GPR158: variants seen among roughly 807,000 people sequenced by gnomAD.
GPR158 encodes the protein G protein-coupled receptor 158.
In GPR158, 30 loss-of-function variants were observed where a neutral mutation model predicts 78.2. The ratio of observed to expected loss-of-function variants is 0.38; its 90% CI spans 0.29 to 0.52. The LOEUF is 0.52. GPR158 is among the 20% of genes least tolerant of loss of function. The probability of loss-of-function intolerance (pLI) is 0.83; values close to 1 mark genes in which losing one functional copy is unlikely to be tolerated. For missense variants in GPR158, 1,463 were observed against 1,523.5 expected, an observed-to-expected ratio of 0.96 and a Z score of 0.66; for synonymous variants, 581 against 591.1, an observed-to-expected ratio of 0.98 and a Z score of 0.25.
chr10:25,353,750 T>C (rs1052643612), intron 2 of GPR158, among the ~76,000 whole-genome samples: 4 of 152,116 alleles, frequency 2.6e-5, no homozygotes, highest in African/African-American at 9.6e-5. Context: ...TATGTGTCTT[T>C]ATAGAATTGG....
intron 2 of GPR158, among the ~76,000 whole-genome samples, chr10:25,241,473 C>G (rs576774752): frequency 2.0e-5 from 3 of 149,250 alleles, no homozygotes; most frequent in Non-Finnish European, 4.4e-5. Flanking sequence ...CAGGCTGGAG[C>G]ACAGTGGTGT....
chr10:25,587,992 C>G (rs555048341), intron 7 of GPR158, among the ~76,000 whole-genome samples: 34 of 152,228 alleles, frequency 2.2e-4, no homozygotes, highest in Admixed American at 1.2e-3. Context: ...TAGACACTAT[C>G]TTCCAGAAAG....
At chr10:25,471,674 T>C (rs1835505613) in intron 5 of GPR158, among the ~76,000 whole-genome samples, 1 of 152,196 alleles carries the variant, frequency 6.6e-6, no homozygotes, top group African/African-American at 2.4e-5. Flanking sequence ...TGAGATGGTA[T>C]CTCATTGTGG....
intron 2 of GPR158, among the ~76,000 whole-genome samples, chr10:25,238,192 A>G (rs1662083002): frequency 6.6e-6 from 1 of 152,210 alleles, no homozygotes; most frequent in African/African-American, 2.4e-5. Flanking sequence ...TCCACTTCAC[A>G]GGCAGGCTTT....
chr10:25,451,156 T>C (rs1835211335), intron 4 of GPR158, among the ~76,000 whole-genome samples: 1 of 152,216 alleles, frequency 6.6e-6, no homozygotes, highest in Admixed American at 6.5e-5. Context: ...ACACAAATCA[T>C]GCTTAAATAG....
At chr10:25,297,332 T>G (rs1203396941) in intron 2 of GPR158, among the ~76,000 whole-genome samples, 1 of 152,204 alleles carries the variant, frequency 6.6e-6, no homozygotes, top group Non-Finnish European at 1.5e-5. Flanking sequence ...ATGACATCAG[T>G]CATACAAGGT....
Position 25,598,467 on chromosome 10 carries a change from T to G in GPR158, c.2841T>G (p.Asn947Lys). The G allele has an allele frequency of 6.2e-7, 1 of 1,614,042 alleles. No individual in the cohort carries two copies. The highest frequency in any genetic ancestry group is 8.5e-7 in the Non-Finnish European group (1 of 1,180,012). ...KDKETNRNHS[N>K]SDNTETKDPA... is the part of the protein sequence containing the mutation. ...AAGAGACAAACAGAAATCACTCAAA[T>G]TCTGATAACACAGAGACTAAAGATC... is the stretch of plus-strand genomic sequence containing the variant. Residue 947 changes from asparagine to lysine, a missense_variant, in exon 11 of 11, where the codon AAT becomes AAG. Physicochemically the swap from Asn to Lys is moderately conservative, Grantham distance 94 (BLOSUM62 0). Transcript: ENST00000376351.
chr10:25,370,655 G>A (rs1440109900), intron 2 of GPR158, among the ~76,000 whole-genome samples: 2 of 149,940 alleles, frequency 1.3e-5, no homozygotes, highest in South Asian at 2.2e-4. Context: ...TTGATTTGGG[G>A]TGGAGAGTTC....
intron 2 of GPR158, among the ~76,000 whole-genome samples, chr10:25,230,263 A>G (rs1853430426): frequency 6.6e-6 from 1 of 152,220 alleles, no homozygotes; most frequent in Non-Finnish European, 1.5e-5. Flanking sequence ...GTTTGATCAC[A>G]TGTGAATGAT....
intron 2 of GPR158, among the ~76,000 whole-genome samples, chr10:25,349,280 C>T (rs1855419978): frequency 6.6e-6 from 1 of 151,932 alleles, no homozygotes; most frequent in South Asian, 2.1e-4. Context: ...ACCCTCCTAC[C>T]TTCCCTTCAT....
Position 25,321,567 on chromosome 10 carries a change from T to C in GPR158, c.1009-74344T>C, listed in dbSNP as rs544680187. 3.1e-4 allele frequency among the ~76,000 whole-genome samples: 47 copies of C among 152,318 alleles called. 1 individual carries two copies. Among genetic ancestry groups the C allele is most frequent in the African/African-American group, 4.8e-4 (20 of 41,574 alleles). On this transcript the variant is annotated intron_variant, in intron 2 of 10. Transcript: ENST00000376351. ...TATAATTTTGGTGATTTAGAGGAGA[T>C]AGGGTTGATTAGAACCATCCTGGAC...
intron 4 of GPR158, among the ~76,000 whole-genome samples, chr10:25,438,932 A>G (rs1835033073): frequency 6.6e-6 from 1 of 152,352 alleles, no homozygotes; most frequent in African/African-American, 2.4e-5. Context: ...TATGAAATTC[A>G]GATTTCAGTG....
At chr10:25,597,691 G>T in intron 10 of GPR158, 81 bp from the exon 11 acceptor site, 1 of 1,133,724 alleles carries the variant, frequency 8.8e-7, no homozygotes, top group South Asian at 2.6e-5. Flanking sequence ...CAAGTTTACT[G>T]AATTCCAATA....
chr10:25,247,229 C>A (rs1853705341), intron 2 of GPR158, among the ~76,000 whole-genome samples: 1 of 152,032 alleles, frequency 6.6e-6, no homozygotes, highest in Non-Finnish European at 1.5e-5. Context: ...TTATCAAATA[C>A]CTTCAAACCC....
chr10:25,369,325 A>AT (rs1833954238), intron 2 of GPR158, among the ~76,000 whole-genome samples: 1 of 150,036 alleles, frequency 6.7e-6, no homozygotes. Flanking sequence ...AGCTCTTATT[A>AT]TTTTGAGATA....
intron 2 of GPR158, among the ~76,000 whole-genome samples, chr10:25,263,246 T>C (rs1853993035): frequency 6.6e-6 from 1 of 152,216 alleles, no homozygotes; most frequent in Non-Finnish European, 1.5e-5. Flanking sequence ...TATTTTTGCA[T>C]GAGGATGTCC....
intron 1 of GPR158, among the ~76,000 whole-genome samples, chr10:25,194,557 T>G (rs1424181148): frequency 1.3e-5 from 2 of 151,376 alleles, no homozygotes; most frequent in Non-Finnish European, 2.9e-5. Context: ...TATAAATAAA[T>G]AAAGAATGGA....
intron 1 of GPR158, among the ~76,000 whole-genome samples, chr10:25,179,361 G>A (rs1189914563): frequency 6.6e-6 from 1 of 151,976 alleles, no homozygotes; most frequent in Non-Finnish European, 1.5e-5. Flanking sequence ...CATTGATAAT[G>A]GTTTACTTGT....
intron 2 of GPR158, among the ~76,000 whole-genome samples, chr10:25,267,942 G>A (rs1249227385): frequency 6.6e-6 from 1 of 152,104 alleles, no homozygotes; most frequent in African/African-American, 2.4e-5. Flanking sequence ...TTTTCTTTCA[G>A]TTGTTACTCT....
Sources: allele counts gnomAD v4.1 joint callset (sites outside exome capture counted in the v4.1 genomes callset), GRCh38; gene constraint gnomAD v4.1.1; transcripts MANE v1.5; gene names NCBI Gene and HGNC (gene_info 2026-07-23, HGNC 2026-07-21).